Variants in MEGF11 observed in about 807,000 individuals in gnomAD.
MEGF11 encodes multiple EGF like domains 11.
MEGF11 carries 126 observed loss-of-function variants against 146.6 expected under a neutral mutation model. The observed-to-expected ratio is 0.86, with a 90% CI of 0.74 to 1.00. MEGF11 has a LOEUF of 1.00. Ranked by LOEUF, MEGF11 falls within the 50% of genes least tolerant of loss-of-function variation. MEGF11 has a pLI of 0.00. For synonymous variants in MEGF11, 532 were observed against 583.4 expected (o/e 0.91, Z 1.27); for missense variants, 1,509 against 1,521.2 (o/e 0.99, Z 0.13).
chr15:66,143,110 C>T (rs922992486), intron 1 of MEGF11, among the ~76,000 whole-genome samples: 2 of 152,274 alleles, frequency 1.3e-5, no homozygotes, highest in South Asian at 2.1e-4. Context: ...TGCCACAGTG[C>T]GGATATCAAT....
At chr15:66,017,034 A>AT (rs1410091042) in intron 5 of MEGF11, among the ~76,000 whole-genome samples, 1 of 152,144 alleles carries the variant, frequency 6.6e-6, no homozygotes, top group Non-Finnish European at 1.5e-5. Context: ...GACAGGGGTT[A>AT]TTTTTTGTTC....
intron 5 of MEGF11, among the ~76,000 whole-genome samples, chr15:66,012,623 A>G (rs1596988656): frequency 2.6e-5 from 4 of 152,372 alleles, no homozygotes; most frequent in African/African-American, 9.6e-5. Context: ...GGGCCTGTAG[A>G]GTTATCCCAC....
Position 66,028,327 on chromosome 15 carries a change from A to C in MEGF11, c.395-45839T>G, listed in dbSNP as rs140234171. Among the ~76,000 whole-genome samples, 1,254 of 152,342 alleles carry C rather than the reference A, an allele frequency of 8.2e-3. 25 individuals carry two copies. Among genetic ancestry groups the C allele is most frequent in the African/African-American group, 0.029 (1,191 of 41,568 alleles). On this transcript the variant is annotated intron_variant, in intron 5 of 25. Transcript: ENST00000395614. ...TTAGAAAGCCAGTAAATGCAAATTA[A>C]CACAACAGGGAGGTCCTATTTTACA...
chr15:66,218,106 T>C (rs930974290), intron 1 of MEGF11, among the ~76,000 whole-genome samples: 6 of 152,192 alleles, frequency 3.9e-5, no homozygotes, highest in Non-Finnish European at 8.8e-5. Flanking sequence ...GAGATACTTT[T>C]ATTGGTTTTG....
intron 4 of MEGF11, 118 bp from the exon 5 acceptor site, chr15:66,094,612 G>T (rs1191947752): frequency 2.5e-6 from 2 of 790,120 alleles, no homozygotes; most frequent in South Asian, 1.9e-5. Context: ...TGCTTAGAAC[G>T]CATGACTGGC....
chr15:66,193,869 C>A (rs1349851048), intron 1 of MEGF11, among the ~76,000 whole-genome samples: 1 of 152,106 alleles, frequency 6.6e-6, no homozygotes, highest in African/African-American at 2.4e-5. Context: ...TTAGGGTCTG[C>A]ACCTACTTTG....
chr15:65,977,436 C>T (rs1438456064), intron 7 of MEGF11, among the ~76,000 whole-genome samples: 3 of 150,840 alleles, frequency 2.0e-5, no homozygotes. Context: ...CAAACCTGAG[C>T]ATCTGTGATG....
intron 10 of MEGF11, among the ~76,000 whole-genome samples, chr15:65,936,783 T>C (rs2079804799): frequency 6.6e-6 from 1 of 152,214 alleles, no homozygotes; most frequent in Non-Finnish European, 1.5e-5. Flanking sequence ...TTGTAAATAA[T>C]GTGTGAGTGA....
chr15:65,974,591 G>T (rs1337805785), intron 7 of MEGF11, among the ~76,000 whole-genome samples: 1 of 152,158 alleles, frequency 6.6e-6, no homozygotes, highest in African/African-American at 2.4e-5. Flanking sequence ...GGAGGCGGAG[G>T]TTGCAGTGAG....
intron 5 of MEGF11, among the ~76,000 whole-genome samples, chr15:66,066,774 G>T (rs1226843321): frequency 1.3e-5 from 2 of 152,234 alleles, no homozygotes; most frequent in African/African-American, 4.8e-5. Context: ...GAGGCTTGGA[G>T]TCATCCCAAA....
intron 5 of MEGF11, among the ~76,000 whole-genome samples, chr15:66,011,740 A>ATTATTATTATTT (rs1465972684): frequency 2.0e-5 from 3 of 151,556 alleles, no homozygotes; most frequent in African/African-American, 7.3e-5. Context: ...TATTATTATT[A>ATTATTATTATTT]TTATTATTAA....
chr15:65,957,741 G>C lies in MEGF11; in HGVS notation c.1113-20C>G. 2 of 1,612,180 alleles carry C rather than the reference G, an allele frequency of 1.2e-6. No individual in the cohort carries two copies. Reference sequence around the variant, plus strand: ...TGGCAGCTGCACAGATGAGAGAAGGGTGAGAAGACAGCTTGTTCTGGGAAG... The same window carrying C: ...TGGCAGCTGCACAGATGAGAGAAGGCTGAGAAGACAGCTTGTTCTGGGAAG... On this transcript the variant is annotated intron_variant, in intron 9 of 25. Coordinates refer to ENST00000395614, the MANE Select transcript of MEGF11 (RefSeq NM_001385028.1).
At chr15:66,063,292 T>C (rs1296721083) in intron 5 of MEGF11, among the ~76,000 whole-genome samples, 1 of 152,122 alleles carries the variant, frequency 6.6e-6, no homozygotes, top group Non-Finnish European at 1.5e-5. Context: ...CTGACTCATG[T>C]TTTAGAGTTC....
intron 10 of MEGF11, among the ~76,000 whole-genome samples, chr15:65,942,275 A>G (rs1041457996): frequency 2.0e-5 from 3 of 152,114 alleles, no homozygotes; most frequent in Non-Finnish European, 4.4e-5. Flanking sequence ...GTGATGTGTA[A>G]TTTCATAATC....
intron 5 of MEGF11, among the ~76,000 whole-genome samples, chr15:66,011,795 G>A (rs535949811): frequency 1.3e-5 from 2 of 151,738 alleles, no homozygotes; most frequent in Non-Finnish European, 2.9e-5. Context: ...GGCAGATTAT[G>A]GTATATCCAG....
chr15:66,240,423 C>T (rs576217784), intron 1 of MEGF11, among the ~76,000 whole-genome samples: 6 of 152,332 alleles, frequency 3.9e-5, no homozygotes, highest in Admixed American at 6.5e-5. Flanking sequence ...CACGAAGGGA[C>T]GCAGGCCTGT....
rs545650352 is a variant in MEGF11 at position 66,179,648 on chromosome 15, C to T, written c.-8-51237G>A. ...AACCAGGAAAAACCTACCTCCCTGT[C>T]TCAGTTTCCCCAAATGCAAAATAAG... On this transcript the variant is annotated intron_variant, in intron 1 of 25. Transcript: ENST00000395614. Among the ~76,000 whole-genome samples the T allele has an allele frequency of 3.1e-3, 474 of 152,278 alleles. 2 individuals are homozygous for T. Among genetic ancestry groups the T allele is most frequent in the Non-Finnish European group, 5.8e-3 (392 of 68,016 alleles).
chr15:66,213,935 G>A (rs1030444256), intron 1 of MEGF11, among the ~76,000 whole-genome samples: 2 of 151,208 alleles, frequency 1.3e-5, no homozygotes, highest in Non-Finnish European at 2.9e-5. Context: ...TCCCAAACCA[G>A]AGAAACCTAC....
At chr15:66,191,500 G>C (rs1259918065) in intron 1 of MEGF11, among the ~76,000 whole-genome samples, 1 of 152,160 alleles carries the variant, frequency 6.6e-6, no homozygotes. Context: ...CGGGGTTGCG[G>C]GGGTGTTAAG....
Sources: allele counts gnomAD v4.1 joint callset (sites outside exome capture counted in the v4.1 genomes callset), GRCh38; gene constraint gnomAD v4.1.1; transcripts MANE v1.5; gene names NCBI Gene and HGNC (gene_info 2026-07-23, HGNC 2026-07-21).